The following PPM1L variants were observed in gnomAD, a reference collection of about 807,000 sequenced individuals.
PPM1L encodes the protein protein phosphatase 1L.
In PPM1L, 13 loss-of-function variants were observed where a neutral mutation model predicts 31.4. The ratio of observed to expected loss-of-function variants is 0.41; its 90% CI spans 0.27 to 0.66. The LOEUF (loss-of-function observed/expected upper bound fraction) is 0.66. Among genes scored for constraint, PPM1L ranks in the 30% least tolerant of loss-of-function variants. The pLI is 0.29. For synonymous variants in PPM1L, 184 were observed against 175.4 expected, an observed-to-expected ratio of 1.05 and a Z score of -0.39; for missense variants, 326 against 453.7, an observed-to-expected ratio of 0.72 and a Z score of 2.56.
At chr3:160,801,068 A>G (rs1336957684) in intron 1 of PPM1L, among the ~76,000 whole-genome samples, 1 of 152,102 alleles carries the variant, frequency 6.6e-6, no homozygotes, top group African/African-American at 2.4e-5. Context: ...GAAAACGTAG[A>G]TATATAAATA....
chr3:160,763,287 G>A (rs1352205395), intron 1 of PPM1L, among the ~76,000 whole-genome samples: 1 of 152,172 alleles, frequency 6.6e-6, no homozygotes, highest in Non-Finnish European at 1.5e-5. Flanking sequence ...TGACTCATGT[G>A]GCAGAGAAGA....
chr3:160,955,758 C>T (rs981853983), intron 1 of PPM1L, among the ~76,000 whole-genome samples: 1 of 151,078 alleles, frequency 6.6e-6, no homozygotes, highest in Non-Finnish European at 1.5e-5. Flanking sequence ...TCACGCCATT[C>T]TCCTGCCTCA....
intron 2 of PPM1L, among the ~76,000 whole-genome samples, chr3:161,032,376 A>G (rs529608913): frequency 6.6e-6 from 1 of 152,334 alleles, no homozygotes. Flanking sequence ...GGAGTTGCTC[A>G]TCACCTACCT....
chr3:160,769,265 T>G (rs111364402), intron 1 of PPM1L, among the ~76,000 whole-genome samples: 2,520 of 152,236 alleles, frequency 0.017, 65 homozygotes, highest in African/African-American at 0.057. Flanking sequence ...AGCCACATAG[T>G]TGGGAAGGGG....
chr3:160,821,541 C>G (rs1560116647), intron 1 of PPM1L, among the ~76,000 whole-genome samples: 1 of 151,930 alleles, frequency 6.6e-6, no homozygotes, highest in Non-Finnish European at 1.5e-5. Context: ...TTTTGCTTAG[C>G]TGACGTTTTA....
Position 160,972,892 on chromosome 3 carries a change from G to C in PPM1L, c.574+10982G>C, listed in dbSNP as rs944851244. Among the ~76,000 whole-genome samples, 32 of 152,212 alleles carry C rather than the reference G, an allele frequency of 2.1e-4. 1 individual carries two copies. Among genetic ancestry groups the C allele is most frequent in the Non-Finnish European group, 3.5e-4 (24 of 67,992 alleles). On this transcript the variant is annotated intron_variant, in intron 2 of 3. Coordinates refer to ENST00000498165, the MANE Select transcript of PPM1L (RefSeq NM_139245.4). The stretch of plus-strand genomic sequence containing the variant: ...TCCTGACTTTTTAATGATCGCCATT[G>C]TAACTGGTGTGAGATGGTATCTCAC...
chr3:160,804,699 A>G (rs1223570338), intron 1 of PPM1L, among the ~76,000 whole-genome samples: 3 of 152,218 alleles, frequency 2.0e-5, no homozygotes, highest in African/African-American at 7.2e-5. Context: ...TTGTTTATAG[A>G]TAACTATGTT....
intron 1 of PPM1L, among the ~76,000 whole-genome samples, chr3:160,907,668 TA>T (rs1713810574): frequency 6.6e-6 from 1 of 152,144 alleles, no homozygotes; most frequent in Non-Finnish European, 1.5e-5. Context: ...GTGGCAGAGT[TA>T]AGGATAATCA....
intron 1 of PPM1L, among the ~76,000 whole-genome samples, chr3:160,910,815 A>C (rs1237466214): frequency 6.6e-6 from 1 of 152,162 alleles, no homozygotes; most frequent in East Asian, 1.9e-4. Flanking sequence ...AGAAATTGAA[A>C]TTTTTAAATT....
At chr3:160,864,719 G>A (rs1240909027) in intron 1 of PPM1L, among the ~76,000 whole-genome samples, 1 of 152,162 alleles carries the variant, frequency 6.6e-6, no homozygotes, top group Non-Finnish European at 1.5e-5. Flanking sequence ...TACTGACATG[G>A]CACCATTTCC....
chr3:160,839,826 A>G (rs568055000), intron 1 of PPM1L, among the ~76,000 whole-genome samples: 23 of 152,332 alleles, frequency 1.5e-4, no homozygotes, highest in African/African-American at 5.3e-4. Flanking sequence ...CCTAGACTAT[A>G]GCAAACTGGT....
intron 2 of PPM1L, among the ~76,000 whole-genome samples, chr3:161,023,803 T>A (rs1030411314): frequency 6.6e-6 from 1 of 152,220 alleles, no homozygotes; most frequent in African/African-American, 2.4e-5. Context: ...CCTGTTTCTT[T>A]GCATTTCTTA....
intron 1 of PPM1L, among the ~76,000 whole-genome samples, chr3:160,862,303 A>AC (rs1392874245): frequency 3.9e-5 from 6 of 152,008 alleles, no homozygotes; most frequent in African/African-American, 1.5e-4. Flanking sequence ...AAGCTTCCTC[A>AC]CCCCTTCAGT....
chr3:160,771,267 T>G (rs992193718), intron 1 of PPM1L, among the ~76,000 whole-genome samples: 3 of 150,862 alleles, frequency 2.0e-5, no homozygotes, highest in African/African-American at 7.3e-5. Flanking sequence ...TTTTCTTTTC[T>G]TTTTTTTTGA....
At chr3:160,842,428 T>C in intron 1 of PPM1L, 1 of 647,094 alleles carries the variant, frequency 1.5e-6, no homozygotes, top group South Asian at 1.8e-5. Flanking sequence ...TGGACTTTAT[T>C]CTGTAGAAAA....
chr3:160,874,037 C>T (rs1195571192), intron 1 of PPM1L, among the ~76,000 whole-genome samples: 3 of 152,032 alleles, frequency 2.0e-5, no homozygotes, highest in Non-Finnish European at 2.9e-5. Context: ...TTTTGGCTAC[C>T]CAGAGTCTGA....
In PPM1L at chr3:160,948,599, T is replaced by C. The variant is rs368219661; in HGVS notation, c.400-13137T>C. Among the ~76,000 whole-genome samples, 32 of 152,234 alleles carry C rather than the reference T, an allele frequency of 2.1e-4. No individual in the cohort carries two copies. In the East Asian group the frequency reaches 4.2e-3, roughly 20 times the overall value. On this transcript the variant is annotated intron_variant, in intron 1 of 3. Coordinates refer to ENST00000498165, the MANE Select transcript of PPM1L (RefSeq NM_139245.4). ...GATTTGCCTGATTGCCCACAAGCTG[T>C]TGGGAAAGGATTCCAGGTGCTCCCT...
At chr3:161,034,971 A>G (rs1432638824) in intron 2 of PPM1L, among the ~76,000 whole-genome samples, 2 of 152,064 alleles carry the variant, frequency 1.3e-5, no homozygotes, top group Non-Finnish European at 2.9e-5. Context: ...ATTCTCAGCA[A>G]ACTAACACAG....
chr3:160,944,881 TATATATTATATATAACTG>T lies in PPM1L; in HGVS notation c.400-16852_400-16835del, dbSNP rs1715321024. Among the ~76,000 whole-genome samples the T allele has an allele frequency of 6.9e-4, 36 of 52,188 alleles. 1 individual carries two copies. Among genetic ancestry groups the T allele is most frequent in the Admixed American group, 2.7e-3 (11 of 4,134 alleles). 34.2% of individuals were successfully genotyped at this position (52,188 alleles called of 152,430 possible). ...ATTATATATAATGTTATATATAACA[TATATATTATATATAACTG>T]ATGTTACATATATAATATATAGTGG... is the stretch of plus-strand genomic sequence containing the variant. On this transcript the variant is annotated intron_variant, in intron 1 of 3. Transcript: ENST00000498165.
Sources: allele counts gnomAD v4.1 joint callset (sites outside exome capture counted in the v4.1 genomes callset), GRCh38; gene constraint gnomAD v4.1.1; transcripts MANE v1.5; gene names NCBI Gene and HGNC (gene_info 2026-07-23, HGNC 2026-07-21).